CSMD1: variants seen among roughly 807,000 people sequenced by gnomAD.
CSMD1 encodes CUB and Sushi multiple domains 1, also known as CUB and sushi domain-containing protein 1.
Under a neutral mutation model 417.5 loss-of-function variants are expected in CSMD1, and 213 were observed. The observed-to-expected ratio is 0.51, with a 90% CI of 0.46 to 0.57. The LOEUF is 0.57. CSMD1 is among the 20% of genes least tolerant of loss of function. CSMD1 has a pLI of 0.00. For missense variants in CSMD1, 6,923 were observed against 4,529.7 expected (o/e 1.53, Z -15.17); for synonymous variants, 2,862 against 1,736.8 (o/e 1.65, Z -16.11).
At chr8:3,588,898 C>A (rs1397203498) in intron 8 of CSMD1, among the ~76,000 whole-genome samples, 2 of 151,978 alleles carry the variant, frequency 1.3e-5, no homozygotes, top group Non-Finnish European at 2.9e-5. Flanking sequence ...AACAAATCAC[C>A]CATGTAACAT....
chr8:3,406,329 T>C (rs1281046742), intron 14 of CSMD1, 108 bp from the exon 15 acceptor site: 20 of 785,178 alleles, frequency 2.5e-5, no homozygotes, highest in Non-Finnish European at 3.8e-5. Context: ...ATATAATGTA[T>C]ATAATTATAT....
At chr8:4,693,154 C>T (rs1225083368) in intron 1 of CSMD1, among the ~76,000 whole-genome samples, 2 of 152,186 alleles carry the variant, frequency 1.3e-5, no homozygotes, top group Admixed American at 6.5e-5. Flanking sequence ...CCTTCAAGCT[C>T]CTCTTAATTC....
intron 3 of CSMD1, among the ~76,000 whole-genome samples, chr8:4,232,391 G>T (rs565522882): frequency 2.0e-5 from 3 of 152,214 alleles, no homozygotes; most frequent in Non-Finnish European, 4.4e-5. Flanking sequence ...TAGAGACGGG[G>T]TTTCCCCACG....
At chr8:4,843,156 G>C (rs1426122303) in intron 1 of CSMD1, among the ~76,000 whole-genome samples, 1 of 152,186 alleles carries the variant, frequency 6.6e-6, no homozygotes, top group South Asian at 2.1e-4. Flanking sequence ...TACACTACCA[G>C]TCTTCTTCCT....
At position 3,616,718 on chromosome 8, in the gene CSMD1, G is replaced by C; in HGVS notation, c.1089C>G (p.Ser363=). The part of the protein sequence containing the change: ...GIPENGRRAG[S]DFRVGANVQF... ...ACTATTGTATCTCTTACCTGAAGTCGGAACCTGCTCTTCTACCATTTTCTG... is the reference window on the plus strand; with the variant it reads ...ACTATTGTATCTCTTACCTGAAGTCCGAACCTGCTCTTCTACCATTTTCTG... Residue 363 remains serine (S), a synonymous_variant, in exon 8 of 70, where the codon TCC becomes TCG. Transcript: ENST00000635120. 1 of 1,607,932 alleles carries C rather than the reference G, an allele frequency of 6.2e-7. No homozygotes were observed.
intron 27 of CSMD1, among the ~76,000 whole-genome samples, chr8:3,225,584 G>A (rs1052772742): frequency 2.6e-5 from 4 of 152,138 alleles, no homozygotes; most frequent in African/African-American, 9.7e-5. Flanking sequence ...CTGCACACAG[G>A]TTTTGTAAGA....
chr8:4,052,773 G>A (rs118055719), intron 3 of CSMD1, among the ~76,000 whole-genome samples: 1 of 152,112 alleles, frequency 6.6e-6, no homozygotes, highest in East Asian at 1.9e-4. Context: ...TGGGATATCT[G>A]AGGACACATC....
In CSMD1 at chr8:2,949,870, G is replaced by C. The variant is rs747834992; in HGVS notation, c.10314+361C>G. ...TAAATCTTTCTATTTATCTGGGAATGATTTCTTTTAGAACGAGCAGCGTGG... is the reference window on the plus strand; with the variant it reads ...TAAATCTTTCTATTTATCTGGGAATCATTTCTTTTAGAACGAGCAGCGTGG... On this transcript the variant is annotated intron_variant, in intron 67 of 69. Coordinates refer to ENST00000635120, the MANE Select transcript of CSMD1 (RefSeq NM_033225.6). Among the ~76,000 whole-genome samples, 148 of 152,244 alleles carry C rather than the reference G, an allele frequency of 9.7e-4. No individual in the cohort carries two copies. The Middle Eastern group carries it at 0.014, about 14-fold the overall frequency.
chr8:3,215,665 T>G (rs986958714), intron 29 of CSMD1, among the ~76,000 whole-genome samples: 1 of 152,232 alleles, frequency 6.6e-6, no homozygotes, highest in African/African-American at 2.4e-5. Context: ...TCAATTTCAG[T>G]TATCTTCTGG....
intron 26 of CSMD1, among the ~76,000 whole-genome samples, chr8:3,276,020 T>G (rs768227777): frequency 6.6e-6 from 1 of 152,220 alleles, no homozygotes; most frequent in African/African-American, 2.4e-5. Context: ...TTTTAGAGTT[T>G]CCAGTTTTTC....
In CSMD1 at chr8:3,351,340, G is replaced by C. The variant is rs548683653; in HGVS notation, c.3305-3179C>G. Among the ~76,000 whole-genome samples the C allele has an allele frequency of 3.3e-5, 5 of 152,096 alleles. No individual in the cohort carries two copies. In the East Asian group the frequency reaches 9.7e-4, roughly 30 times the overall value. ...AAGTATACAAACTTGGCCAGGCGTG[G>C]TGACCCATGCCTGTAATCCCAGCAC... On this transcript the variant is annotated intron_variant, in intron 21 of 69. Coordinates refer to ENST00000635120, the MANE Select transcript of CSMD1 (RefSeq NM_033225.6).
At chr8:3,522,368 G>A (rs899494828) in intron 10 of CSMD1, among the ~76,000 whole-genome samples, 1 of 152,196 alleles carries the variant, frequency 6.6e-6, no homozygotes, top group Non-Finnish European at 1.5e-5. Context: ...ATGTATGTCA[G>A]GAACAAGTAT....
chr8:4,842,426 A>G (rs896898994), intron 1 of CSMD1, among the ~76,000 whole-genome samples: 2 of 152,208 alleles, frequency 1.3e-5, no homozygotes, highest in Non-Finnish European at 1.5e-5. Flanking sequence ...AAGCCCAATT[A>G]TAGTTATTAT....
chr8:3,733,646 G>A (rs567174789), intron 6 of CSMD1, among the ~76,000 whole-genome samples: 4 of 152,094 alleles, frequency 2.6e-5, no homozygotes, highest in East Asian at 1.9e-4. Flanking sequence ...CTGTCCAGAA[G>A]GTCCCTGCTG....
intron 25 of CSMD1, among the ~76,000 whole-genome samples, chr8:3,293,567 T>C (rs764251768): frequency 9.2e-5 from 14 of 152,188 alleles, no homozygotes; most frequent in Non-Finnish European, 1.5e-4. Flanking sequence ...CTTGCTTCAT[T>C]TCATTCATTT....
chr8:4,811,544 A>G (rs1455413591), intron 1 of CSMD1, among the ~76,000 whole-genome samples: 1 of 152,140 alleles, frequency 6.6e-6, no homozygotes, highest in Non-Finnish European at 1.5e-5. Context: ...GTATTTCCCA[A>G]TATTGACATG....
chr8:3,523,177 A>G (rs977120693), intron 10 of CSMD1, among the ~76,000 whole-genome samples: 3 of 152,172 alleles, frequency 2.0e-5, no homozygotes, highest in Non-Finnish European at 4.4e-5. Context: ...ATGCTGGGCT[A>G]CTTGGAATCA....
chr8:3,867,026 A>C (rs746639690), intron 5 of CSMD1, among the ~76,000 whole-genome samples: 7 of 152,206 alleles, frequency 4.6e-5, no homozygotes, highest in Non-Finnish European at 7.4e-5. Context: ...CTGTGCATTA[A>C]ATTAATGCAC....
At chr8:4,309,459 C>T (rs67143511) in intron 3 of CSMD1, among the ~76,000 whole-genome samples, 96,308 of 143,592 alleles carry the variant, frequency 0.67, 31,509 homozygotes, top group East Asian at 0.86. Flanking sequence ...TTATGAAAGA[C>T]GAGAAAAAAT....
Sources: allele counts gnomAD v4.1 joint callset (sites outside exome capture counted in the v4.1 genomes callset), GRCh38; gene constraint gnomAD v4.1.1; transcripts MANE v1.5; gene names NCBI Gene and HGNC (gene_info 2026-07-23, HGNC 2026-07-21).